Variants in FGGY observed in about 807,000 individuals in gnomAD.
FGGY encodes FGGY carbohydrate kinase domain-containing protein.
Under a neutral mutation model 71.3 loss-of-function variants are expected in FGGY, and 72 were observed. That is an observed-to-expected ratio of 1.01 (90% CI 0.84 to 1.23). The LOEUF is 1.23. Ranked by LOEUF, FGGY falls within the 50% of genes most tolerant of loss-of-function variation. FGGY has a pLI of 0.00. For missense variants in FGGY, 668 were observed against 682.3 expected (o/e 0.98, Z 0.23); for synonymous variants, 251 against 250.3 (o/e 1.00, Z -0.02).
intron 4 of FGGY, among the ~76,000 whole-genome samples, chr1:59,353,764 C>G (rs527417866): frequency 6.6e-6 from 1 of 152,228 alleles, no homozygotes; most frequent in African/African-American, 2.4e-5. Flanking sequence ...ATAACTTACT[C>G]GTGGTCTCAT....
At chr1:59,387,647 A>G (rs7534016) in intron 5 of FGGY, among the ~76,000 whole-genome samples, 25,934 of 152,136 alleles carry the variant, frequency 0.17, 2,811 homozygotes, top group East Asian at 0.36. Flanking sequence ...ACTTGAGAGA[A>G]TGGCATATTG....
intron 9 of FGGY, 30 bp downstream of exon 9, chr1:59,607,940 G>A: frequency 6.4e-7 from 1 of 1,553,510 alleles, no homozygotes; most frequent in Non-Finnish European, 8.9e-7. Context: ...ATAGGGTCAT[G>A]GATGTTTTTA....
At chr1:59,618,978 T>G (rs1228477187) in intron 9 of FGGY, among the ~76,000 whole-genome samples, 1 of 151,986 alleles carries the variant, frequency 6.6e-6, no homozygotes, top group Non-Finnish European at 1.5e-5. Flanking sequence ...CGCCCTGGCT[T>G]TTGCTTATTT....
intron 7 of FGGY, among the ~76,000 whole-genome samples, chr1:59,533,118 CCAGT>C (rs57276267): frequency 0.031 from 4,767 of 152,218 alleles, 249 homozygotes; most frequent in African/African-American, 0.11. Flanking sequence ...CTAGGGAGTG[CCAGT>C]CAGTGGGCGC....
rs1030447183 is a variant in FGGY, at chr1:59,632,506, A to G, written c.1074-5722A>G. On this transcript the variant is annotated intron_variant, in intron 10 of 15. Transcript: ENST00000303721. ...ACTAAATATCAATTTCTTAAAATTC[A>G]CTAGTCCTCTATATCGCGAATCGCA... 2.6e-5 allele frequency among the ~76,000 whole-genome samples: 4 copies of G among 152,316 alleles called. No homozygotes were observed. The East Asian group carries it at 5.8e-4, about 22-fold the overall frequency.
chr1:59,601,505 T>C (rs2096577983), intron 8 of FGGY, among the ~76,000 whole-genome samples: 1 of 152,214 alleles, frequency 6.6e-6, no homozygotes, highest in Admixed American at 6.5e-5. Context: ...CCATCATTTC[T>C]GATCTTTATG....
chr1:59,699,173 T>C, intron 14 of FGGY: 1 of 985,406 alleles, frequency 1.0e-6, no homozygotes. Flanking sequence ...GAGCTTCAGC[T>C]GAGTCCCTCA....
At chr1:59,320,055 G>A (rs138865672) in intron 1 of FGGY, among the ~76,000 whole-genome samples, 188 of 152,316 alleles carry the variant, frequency 1.2e-3, no homozygotes, top group African/African-American at 4.4e-3. Flanking sequence ...GGGAATGTAA[G>A]CAAGGGAGAG....
chr1:59,531,924 G>A (rs879451184), intron 7 of FGGY, among the ~76,000 whole-genome samples: 7 of 152,300 alleles, frequency 4.6e-5, no homozygotes, highest in Middle Eastern at 3.4e-3. Flanking sequence ...ATCCTTTCTA[G>A]AGGTAGGTAA....
At chr1:59,405,520 T>C (rs1192515941) in intron 5 of FGGY, among the ~76,000 whole-genome samples, 1 of 152,242 alleles carries the variant, frequency 6.6e-6, no homozygotes. Flanking sequence ...ATTTCTGCAT[T>C]GTAGGGGCTT....
chr1:59,666,075 C>T (rs1337548858), intron 12 of FGGY, among the ~76,000 whole-genome samples: 5 of 152,200 alleles, frequency 3.3e-5, no homozygotes. Flanking sequence ...CTGAACAATA[C>T]TGTCACACTT....
chr1:59,543,349 T>C (rs1355251867), intron 7 of FGGY, among the ~76,000 whole-genome samples: 1 of 152,122 alleles, frequency 6.6e-6, no homozygotes, highest in Admixed American at 6.6e-5. Flanking sequence ...CTGGGAGTAG[T>C]GGTGGCAGGC....
intron 4 of FGGY, among the ~76,000 whole-genome samples, chr1:59,354,690 G>A (rs963600530): frequency 2.0e-5 from 3 of 152,152 alleles, no homozygotes; most frequent in African/African-American, 4.8e-5. Flanking sequence ...ACTTTGCTGG[G>A]CGCTGGAGAT....
chr1:59,578,285 T>C (rs11805572), intron 8 of FGGY, among the ~76,000 whole-genome samples: 11,157 of 151,660 alleles, frequency 0.074, 962 homozygotes, highest in African/African-American at 0.21. Context: ...TGAAAGGGAG[T>C]TGTGGGCAGA....
chr1:59,530,969 T>C (rs1203331050), intron 7 of FGGY, among the ~76,000 whole-genome samples: 3 of 152,122 alleles, frequency 2.0e-5, no homozygotes, highest in Admixed American at 6.5e-5. Flanking sequence ...ACTGACGCAG[T>C]TCCAAGGCAG....
intron 6 of FGGY, among the ~76,000 whole-genome samples, chr1:59,468,693 A>G (rs896914283): frequency 4.6e-5 from 7 of 152,052 alleles, no homozygotes; most frequent in African/African-American, 1.7e-4. Context: ...TAACATGGTG[A>G]AACCCTGTCT....
intron 13 of FGGY, among the ~76,000 whole-genome samples, chr1:59,668,032 A>C (rs2097341124): frequency 6.6e-6 from 1 of 152,098 alleles, no homozygotes; most frequent in Admixed American, 6.5e-5. Flanking sequence ...GAGCCCTAAG[A>C]CCCTGAGATC....
chr1:59,750,791 A>C (rs2101678836), intron 14 of FGGY, among the ~76,000 whole-genome samples: 1 of 152,210 alleles, frequency 6.6e-6, no homozygotes, highest in African/African-American at 2.4e-5. Flanking sequence ...TTTTCTATGG[A>C]GGGGTCACGT....
chr1:59,559,475 T>C (rs1223011526), intron 8 of FGGY, among the ~76,000 whole-genome samples: 1 of 152,220 alleles, frequency 6.6e-6, no homozygotes, highest in Non-Finnish European at 1.5e-5. Context: ...TGGATATATA[T>C]ACATATACAG....
Sources: gnomAD v4.1 joint callset for allele counts (sites outside exome capture counted in the v4.1 genomes callset) on GRCh38, gnomAD v4.1.1 for gene constraint, MANE v1.5 for transcripts, NCBI Gene and HGNC (gene_info 2026-07-23, HGNC 2026-07-21) for gene names.